The following POMGNT1 variants were observed in gnomAD, a reference collection of about 807,000 sequenced individuals.
POMGNT1 encodes the protein protein O-linked-mannose beta-1,2-N-acetylglucosaminyltransferase 1.
Under a neutral mutation model 95.6 loss-of-function variants are expected in POMGNT1, and 67 were observed. The ratio of observed to expected loss-of-function variants is 0.70; its 90% confidence interval spans 0.58 to 0.86. The LOEUF is 0.86. POMGNT1 is among the 40% of genes least tolerant of loss of function. POMGNT1 has a pLI of 0.00. For missense variants in POMGNT1, 719 were observed against 855.2 expected (o/e 0.84, Z 1.99); for synonymous variants, 298 against 317.9 (o/e 0.94, Z 0.66).
At chr1:46,211,520 A>T (rs1658896767) in intron 1 of POMGNT1, among the ~76,000 whole-genome samples, 1 of 152,014 alleles carries the variant, frequency 6.6e-6, no homozygotes, top group Non-Finnish European at 1.5e-5. Context: ...CCATAGTAAT[A>T]TGTAGAGCCA....
chr1:46,194,869 T>A lies in POMGNT1; in HGVS notation c.627A>T (p.Thr209=). ...QAGPALGWRD[T]WAFVGRKGGP... ...CTCCTTTTCGTCCCACGAAGGCCCA[T>A]GTGTCCCTCCAGCCCAGGGCAGGGC... The change falls in exon 7 of 22, where the codon ACA becomes ACT. Residue 209 remains threonine (T), a synonymous_variant. Coordinates refer to ENST00000371984, the MANE Select transcript of POMGNT1 (RefSeq NM_017739.4). 6.2e-7 allele frequency: 1 copy of A among 1,614,168 alleles called. No homozygotes were observed. Among genetic ancestry groups the A allele is most frequent in the South Asian group, 1.1e-5 (1 of 91,084 alleles).
chr1:46,204,168 T>C (rs1658639730), intron 1 of POMGNT1, among the ~76,000 whole-genome samples: 2 of 152,132 alleles, frequency 1.3e-5, no homozygotes, highest in East Asian at 3.8e-4. Context: ...CTACTTAAAA[T>C]AATGGAAAGT....
exon 1 of POMGNT1, chr1:46,220,054 TG>T (rs759112930): frequency 6.2e-7 from 1 of 1,613,988 alleles, no homozygotes; most frequent in African/African-American, 1.3e-5. Flanking sequence ...AGGACTGAGG[TG>T]GATGTGGCAG....
chr1:46,197,759 C>T lies in POMGNT1; in HGVS notation c.63G>A (p.Trp21Ter). ...TCAGTTTATACTTCCAGGTAAGGTA[C>T]CAGCTCCGCTTCTTCCGAGCCCCAA... ...KPFGARKKRS[W>*]YLTWKYKLTN... The change falls in exon 2 of 22, where the codon TGG (tryptophan) becomes TGA (stop). Residue 21 changes from tryptophan (W) to a stop codon, truncating the protein, a stop_gained. Transcript: ENST00000371984. LOFTEE classifies it high-confidence loss of function. The T allele has an allele frequency of 5.6e-6, 9 of 1,614,158 alleles. No homozygotes were observed. Among genetic ancestry groups the T allele is most frequent in the Non-Finnish European group, 7.6e-6 (9 of 1,180,024 alleles).
intron 17 of POMGNT1, chr1:46,191,285 G>A (rs963843244): frequency 5.3e-5 from 12 of 225,458 alleles, no homozygotes; most frequent in African/African-American, 2.3e-4. Context: ...CAAGCTGGAC[G>A]CTATTCATTC....
chr1:46,203,204 G>A (rs1472029822), upstream of POMGNT1: 1 of 373,148 alleles, frequency 2.7e-6, no homozygotes, highest in Admixed American at 4.4e-5. Flanking sequence ...GAATCGCCCA[G>A]CCCCACGCAA....
At chr1:46,194,489 C>T in intron 8 of POMGNT1, 64 bp downstream of exon 8, 6 of 1,614,140 alleles carry the variant, frequency 3.7e-6, no homozygotes, top group Non-Finnish European at 5.1e-6. Context: ...TAAAGCTCCA[C>T]AGAGAGATCT....
chr1:46,214,758 T>C (rs925555984), intron 1 of POMGNT1, among the ~76,000 whole-genome samples: 1 of 148,466 alleles, frequency 6.7e-6, no homozygotes, highest in African/African-American at 2.5e-5. Context: ...TCCAGTTACT[T>C]GGGAGCCTGA....
intron 1 of POMGNT1, among the ~76,000 whole-genome samples, chr1:46,208,601 G>A (rs867181567): frequency 9.8e-5 from 15 of 152,298 alleles, no homozygotes; most frequent in Admixed American, 8.5e-4. Context: ...CCAGCATTTT[G>A]GGAGGCCGAG....
intron 10 of POMGNT1, 56 bp downstream of exon 10, chr1:46,193,799 A>G (rs1425508209): frequency 2.2e-5 from 36 of 1,609,378 alleles, no homozygotes; most frequent in Non-Finnish European, 3.1e-5. Context: ...TCCTGGAGGT[A>G]GATGACCTAA....
intron 1 of POMGNT1, among the ~76,000 whole-genome samples, chr1:46,207,548 T>TTTC (rs1557683337): frequency 1.3e-4 from 20 of 151,328 alleles, no homozygotes; most frequent in Non-Finnish European, 2.4e-4. Flanking sequence ...TTCTTTCTTT[T>TTTC]TTTTTTTTGA....
rs759977524 is a variant in POMGNT1, at chr1:46,195,981, C to A, written c.420+31G>T. On this transcript the variant is annotated intron_variant, in intron 5 of 21. Coordinates refer to ENST00000371984, the MANE Select transcript of POMGNT1 (RefSeq NM_017739.4). ...GTCATCAGCAAGAGCCCAGCTCCAG[C>A]CCTCTGGGTCACCCACCCCTAGAAA... 2.5e-6 allele frequency: 4 copies of A among 1,614,108 alleles called. No homozygotes were observed. The South Asian group carries it at 4.4e-5, about 18-fold the overall frequency.
At chr1:46,194,020 C>A in intron 9 of POMGNT1, 95 bp from the exon 10 acceptor site, 1 of 1,576,526 alleles carries the variant, frequency 6.3e-7, no homozygotes, top group Non-Finnish European at 8.6e-7. Context: ...TAGGTGCAGA[C>A]TGGAGTAGAC....
upstream of POMGNT1, among the ~76,000 whole-genome samples, chr1:46,202,258 T>C (rs1274003071): frequency 6.6e-6 from 1 of 151,176 alleles, no homozygotes; most frequent in African/African-American, 2.4e-5. Context: ...CAAACCAGAG[T>C]TTTCATGGCT....
At chr1:46,197,581 T>TTTCCCA in intron 2 of POMGNT1, 121 bp downstream of exon 2, 1 of 1,572,010 alleles carries the variant, frequency 6.4e-7, no homozygotes, top group Non-Finnish European at 8.7e-7. Flanking sequence ...AGGTCTCCCC[T>TTTCCCA]CTAGGAACCT....
chr1:46,218,321 G>A (rs1190995854), intron 1 of POMGNT1, among the ~76,000 whole-genome samples: 1 of 152,212 alleles, frequency 6.6e-6, no homozygotes, highest in African/African-American at 2.4e-5. Flanking sequence ...AGGAGATGGA[G>A]GCTGTAGTGA....
intron 13 of POMGNT1, 70 bp from the exon 14 acceptor site, chr1:46,193,028 C>A: frequency 6.2e-7 from 1 of 1,606,120 alleles, no homozygotes; most frequent in Non-Finnish European, 8.5e-7. Flanking sequence ...TGCCCCCAAC[C>A]CTCTTCTTGC....
intron 1 of POMGNT1, among the ~76,000 whole-genome samples, chr1:46,214,449 TAAAAG>T (rs548963228): frequency 5.5e-4 from 83 of 151,468 alleles, no homozygotes; most frequent in African/African-American, 2.0e-3. Flanking sequence ...CTTAAAGAGA[TAAAAG>T]ATAATACTGT....
exon 1 of POMGNT1, chr1:46,219,981 C>T (rs1411041277): frequency 1.9e-6 from 3 of 1,614,140 alleles, no homozygotes; most frequent in Non-Finnish European, 2.5e-6. Context: ...TGAACAGGGC[C>T]CACCTGGGGC....
Sources: gnomAD v4.1 joint callset for allele counts (sites outside exome capture counted in the v4.1 genomes callset) on GRCh38, gnomAD v4.1.1 for gene constraint, MANE v1.5 for transcripts, NCBI Gene and HGNC (gene_info 2026-07-23, HGNC 2026-07-21) for gene names.